Variants in MYBPC1 observed in about 807,000 individuals in gnomAD.
The protein encoded by MYBPC1 is myosin binding protein C1, also known as myosin-binding protein C, slow-type.
A neutral mutation model predicts 147.1 loss-of-function variants in MYBPC1; 52 were observed. The ratio of observed to expected loss-of-function variants is 0.35; its 90% CI spans 0.28 to 0.45. The LOEUF (loss-of-function observed/expected upper bound fraction) is 0.45. MYBPC1 is among the 20% of genes least tolerant of loss of function. MYBPC1 has a pLI of 1.00. For missense variants in MYBPC1, 1,228 were observed against 1,440.3 expected (o/e 0.85, Z 2.39); for synonymous variants, 477 against 475.9 (o/e 1.00, Z -0.03).
chr12:101,685,590 T>C lies in MYBPC1; in HGVS notation c.*28T>C. ...CTTTTGGTCCTCTCTAGGTGGGCTCTCCTTCTGCAGACTCCTCTTGCAAGG... is the reference window on the plus strand; with the variant it reads ...CTTTTGGTCCTCTCTAGGTGGGCTCCCCTTCTGCAGACTCCTCTTGCAAGG... On this transcript the variant is annotated 3_prime_UTR_variant, in exon 32 of 32. Transcript: ENST00000361466. 3 of 1,531,520 alleles carry C rather than the reference T, an allele frequency of 2.0e-6. No homozygotes were observed. The highest frequency in any genetic ancestry group is 2.6e-6 in the Non-Finnish European group (3 of 1,142,916). 94.9% of individuals were successfully genotyped at this position (1,531,520 alleles called of 1,614,324 possible).
chr12:101,651,420 G>A (rs1894416270), intron 16 of MYBPC1, 27 bp downstream of exon 16: 1 of 1,613,342 alleles, frequency 6.2e-7, no homozygotes, highest in East Asian at 2.2e-5. Flanking sequence ...ACCCGCAAGT[G>A]AGGTTTGGTC....
chr12:101,646,687 C>A (rs1344039979), intron 12 of MYBPC1, 76 bp from the exon 13 acceptor site: 48 of 1,540,568 alleles, frequency 3.1e-5, no homozygotes, highest in Non-Finnish European at 4.3e-5. Flanking sequence ...AAATTATAAG[C>A]CAAATTTGCT....
intron 1 of MYBPC1, among the ~76,000 whole-genome samples, chr12:101,613,405 C>T (rs1463724486): frequency 1.3e-5 from 2 of 152,154 alleles, no homozygotes; most frequent in Non-Finnish European, 2.9e-5. Context: ...CCCAGGATTC[C>T]ACAATGTGCC....
In MYBPC1 at chr12:101,667,863, T is replaced by C. The variant is rs1317087007; in HGVS notation, c.2488T>C (p.Tyr830His). ...TGCAGCTGGTGCCAGCGAGCCCAAG[T>C]ACTATTCTCAGCCCATTCTCGTGAA... ...VNAAGASEPK[Y>H]YSQPILVKEI... The change falls in exon 23 of 32, where the codon TAC (tyrosine) becomes CAC (histidine). Residue 830 changes from tyrosine (Y) to histidine (H), a missense_variant. Physicochemically the swap from Tyr to His is moderately conservative, Grantham distance 83. Around this residue, in one of 2 missense-constraint regions of MYBPC1, gnomAD observed 1,077 missense variants for 1,314.2 expected, o/e 0.82. Coordinates refer to ENST00000361466, the MANE Select transcript of MYBPC1 (RefSeq NM_002465.4). The C allele has an allele frequency of 6.2e-7, 1 of 1,614,048 alleles. No individual in the cohort carries two copies. Among genetic ancestry groups the C allele is most frequent in the Non-Finnish European group, 8.5e-7 (1 of 1,180,034 alleles).
At chr12:101,678,307 C>G in intron 28 of MYBPC1, 69 bp downstream of exon 28, 1 of 1,585,434 alleles carries the variant, frequency 6.3e-7, no homozygotes, top group South Asian at 1.1e-5. Context: ...ATGTAAGTAA[C>G]AATGTAAACA....
At chr12:101,691,123 G>A in the MYBPC1 span, among the ~76,000 whole-genome samples, 2 of 152,146 alleles carry the variant, frequency 1.3e-5, no homozygotes, top group Non-Finnish European at 1.5e-5. Flanking sequence ...CCATGCTGGA[G>A]TGCAGTGGCA....
At chr12:101,660,254 T>A (rs1181539240) in intron 19 of MYBPC1, 2 of 270,024 alleles carry the variant, frequency 7.4e-6, no homozygotes, top group Non-Finnish European at 1.4e-5. Context: ...TCTCCTTAAA[T>A]GACATATTTC....
At chr12:101,667,304 A>T (rs1212272305) in intron 22 of MYBPC1, among the ~76,000 whole-genome samples, 4 of 152,168 alleles carry the variant, frequency 2.6e-5, no homozygotes, top group Non-Finnish European at 1.5e-5. Flanking sequence ...ATATGACTAT[A>T]AAGGTCAATG....
At chr12:101,614,740 G>C in intron 2 of MYBPC1, 1 of 609,876 alleles carries the variant, frequency 1.6e-6, no homozygotes, top group Non-Finnish European at 2.9e-6. Flanking sequence ...AATTTGGATG[G>C]CACTTCATAT....
chr12:101,605,339 G>A (rs567414032), intron 1 of MYBPC1, among the ~76,000 whole-genome samples: 1 of 152,258 alleles, frequency 6.6e-6, no homozygotes, highest in African/African-American at 2.4e-5. Context: ...TATATGACCT[G>A]AGTTTGTTTT....
At chr12:101,596,405 T>C (rs1325645389) in intron 1 of MYBPC1, among the ~76,000 whole-genome samples, 1 of 152,248 alleles carries the variant, frequency 6.6e-6, no homozygotes, top group Non-Finnish European at 1.5e-5. Context: ...ATGCAAATGA[T>C]TTACGTGTGT....
chr12:101,611,032 A>C (rs950752047), intron 1 of MYBPC1, among the ~76,000 whole-genome samples: 2 of 152,242 alleles, frequency 1.3e-5, no homozygotes, highest in African/African-American at 4.8e-5. Flanking sequence ...TCCTACATGC[A>C]GTGGGTTCTA....
At chr12:101,629,622 C>A in intron 6 of MYBPC1, 78 bp downstream of exon 6, 1 of 937,468 alleles carries the variant, frequency 1.1e-6, no homozygotes, top group Non-Finnish European at 1.6e-6. Flanking sequence ...CCTGTAATCC[C>A]AGCACTCTGG....
At chr12:101,629,643 C>A in intron 6 of MYBPC1, 99 bp downstream of exon 6, 1 of 826,788 alleles carries the variant, frequency 1.2e-6, no homozygotes, top group Non-Finnish European at 2.0e-6. Flanking sequence ...GAGGTCCAGA[C>A]AGGCAGATCA....
intron 10 of MYBPC1, among the ~76,000 whole-genome samples, chr12:101,640,827 T>C (rs906915341): frequency 6.6e-6 from 1 of 152,284 alleles, no homozygotes; most frequent in Admixed American, 6.5e-5. Context: ...AAAGTACACA[T>C]GAGTGTAAAG....
At chr12:101,624,499 G>A (rs1208016686) in intron 3 of MYBPC1, among the ~76,000 whole-genome samples, 3 of 151,520 alleles carry the variant, frequency 2.0e-5, no homozygotes, top group Non-Finnish European at 4.4e-5. Flanking sequence ...TTTTGTTTTT[G>A]TTTTTAGAGT....
intron 21 of MYBPC1, 25 bp downstream of exon 21, chr12:101,662,571 G>C (rs754117309): frequency 1.2e-6 from 2 of 1,610,374 alleles, no homozygotes; most frequent in Non-Finnish European, 1.7e-6. Context: ...ATGAGTCTTT[G>C]TCATCAGAAT....
intron 6 of MYBPC1, 63 bp from the exon 7 acceptor site, chr12:101,631,508 A>G: frequency 6.3e-7 from 1 of 1,577,466 alleles, no homozygotes; most frequent in Non-Finnish European, 8.7e-7. Context: ...AACTCCTTCC[A>G]GTTGAAAGCA....
At chr12:101,690,240 T>C (rs1220676122), downstream of MYBPC1, among the ~76,000 whole-genome samples, 1 of 152,192 alleles carries the variant, frequency 6.6e-6, no homozygotes, top group East Asian at 1.9e-4. Flanking sequence ...ATCTGCATTT[T>C]AACAGGATCC....
Sources: gnomAD v4.1 joint callset for allele counts (sites outside exome capture counted in the v4.1 genomes callset) on GRCh38, gnomAD v4.1.1 for gene constraint, gnomAD v4.1.1 regional missense constraint, MANE v1.5 for transcripts, NCBI Gene and HGNC (gene_info 2026-07-23, HGNC 2026-07-21) for gene names.